Variants in SND1 observed in about 807,000 individuals in gnomAD.
SND1 encodes staphylococcal nuclease and tudor domain containing 1, also known as staphylococcal nuclease domain-containing protein 1.
SND1 carries 38 observed loss-of-function variants against 121.7 expected under a neutral mutation model. The ratio of observed to expected loss-of-function variants is 0.31; its 90% CI spans 0.24 to 0.41. The LOEUF is 0.41. SND1 is among the 10% of genes least tolerant of loss of function. SND1 has a pLI of 1.00. For missense variants in SND1, 868 were observed against 1,184.6 expected, an observed-to-expected ratio of 0.73 and a Z score of 3.92; for synonymous variants, 401 against 447.4, an observed-to-expected ratio of 0.90 and a Z score of 1.31.
intron 15 of SND1, among the ~76,000 whole-genome samples, chr7:127,983,655 A>G (rs1191706803): frequency 6.6e-6 from 1 of 152,094 alleles, no homozygotes; most frequent in Non-Finnish European, 1.5e-5. Flanking sequence ...ATTGTGTTGA[A>G]ATTTCAGGGA....
chr7:127,706,360 G>A (rs959021226), intron 8 of SND1, among the ~76,000 whole-genome samples: 6 of 145,696 alleles, frequency 4.1e-5, no homozygotes, highest in Non-Finnish European at 5.9e-5. Context: ...TGGTTCAAGC[G>A]ATTCCTCTGC....
intron 16 of SND1, among the ~76,000 whole-genome samples, chr7:128,056,236 G>T (rs567906981): frequency 6.6e-6 from 1 of 152,302 alleles, no homozygotes; most frequent in East Asian, 1.9e-4. Flanking sequence ...CAACTGCAGA[G>T]CCTCTTGCCT....
chr7:127,870,782 A>G (rs1209985047), intron 12 of SND1, among the ~76,000 whole-genome samples: 1 of 152,152 alleles, frequency 6.6e-6, no homozygotes, highest in African/African-American at 2.4e-5. Context: ...TATAAACTGT[A>G]CGCTTAGGCT....
intron 10 of SND1, among the ~76,000 whole-genome samples, chr7:127,754,090 T>C (rs895418289): frequency 2.6e-5 from 4 of 152,236 alleles, no homozygotes; most frequent in African/African-American, 4.8e-5. Context: ...CAGAGAAAGA[T>C]AGAACAGATA....
chr7:127,713,161 A>G (rs1367665840), intron 9 of SND1, among the ~76,000 whole-genome samples: 1 of 152,262 alleles, frequency 6.6e-6, no homozygotes, highest in Non-Finnish European at 1.5e-5. Context: ...GAACCCTGCC[A>G]TGGTAGCAGG....
chr7:127,697,269 A>G (rs1334034495), intron 3 of SND1, among the ~76,000 whole-genome samples: 2 of 152,228 alleles, frequency 1.3e-5, no homozygotes, highest in Non-Finnish European at 2.9e-5. Flanking sequence ...TCACTTTCCT[A>G]TCATCCACAT....
At position 128,092,092 on chromosome 7, in the gene SND1, A is replaced by C. The variant is rs775406632; in HGVS notation, c.*34A>C. 3.8e-4 allele frequency: 606 copies of C among 1,608,154 alleles called. 2 individuals carry two copies. Among genetic ancestry groups the C allele is most frequent in the Middle Eastern group, 3.3e-4 (2 of 6,068 alleles). ...TCGGGTTTGGCCCCCAGCCCCGCTC[A>C]CGCCAGTCCCTCTTCCTCTGCCGGG... On this transcript the variant is annotated 3_prime_UTR_variant, in exon 24 of 24. Coordinates refer to ENST00000354725, the MANE Select transcript of SND1 (RefSeq NM_014390.4). This position sits in a 1 kb window ranked among gnomAD's most constrained non-coding sequence, Gnocchi z 4.9.
At position 128,081,386 on chromosome 7, in the gene SND1, C is replaced by A. The variant is rs374608789; in HGVS notation, c.1995C>A (p.Pro665=). The A allele has an allele frequency of 6.2e-6, 10 of 1,614,132 alleles. No individual in the cohort carries two copies. The highest frequency in any genetic ancestry group is 8.5e-6 in the Non-Finnish European group (10 of 1,180,024). The change falls in exon 18 of 24, where the codon CCC becomes CCA. Residue 665 remains proline (P), a synonymous_variant. Transcript: ENST00000354725. ...EKVWAHYEEQ[P]VEEVMPVLEE... ...TCTGGGCCCACTATGAGGAGCAGCCCGTGGAGGAGGTGATGCCAGTGCTGG... is the reference window on the plus strand; with the variant it reads ...TCTGGGCCCACTATGAGGAGCAGCCAGTGGAGGAGGTGATGCCAGTGCTGG...
Position 127,899,057 on chromosome 7 carries a change from G to C in SND1, c.1455-5690G>C, listed in dbSNP as rs533104778. On this transcript the variant is annotated intron_variant, in intron 13 of 23. Coordinates refer to ENST00000354725, the MANE Select transcript of SND1 (RefSeq NM_014390.4). ...CAGTCAGTTACCAAGCATTTGTTCA[G>C]CTTTACTTGGCACACTTTAATTGAA... Among the ~76,000 whole-genome samples the C allele has an allele frequency of 3.3e-5, 5 of 152,174 alleles. No homozygotes were observed. The East Asian group carries it at 9.7e-4, about 29-fold the overall frequency.
intron 5 of SND1, among the ~76,000 whole-genome samples, chr7:127,701,612 A>G (rs975766476): frequency 6.6e-6 from 1 of 152,148 alleles, no homozygotes; most frequent in Admixed American, 6.5e-5. Flanking sequence ...AAAGAAGGCT[A>G]CTTAAATACC....
chr7:127,660,209 AC>A (rs945157297), intron 1 of SND1, among the ~76,000 whole-genome samples: 1 of 152,014 alleles, frequency 6.6e-6, no homozygotes, highest in African/African-American at 2.4e-5. Flanking sequence ...GTTGCTTGAG[AC>A]CCAGAGGAAC....
chr7:127,688,710 A>G (rs1478086290), intron 2 of SND1, among the ~76,000 whole-genome samples: 2 of 151,852 alleles, frequency 1.3e-5, no homozygotes, highest in Non-Finnish European at 1.5e-5. Context: ...TGACAGTGTA[A>G]GACCCTGTCT....
chr7:128,068,128 C>T (rs565740641), intron 16 of SND1, among the ~76,000 whole-genome samples: 4 of 152,188 alleles, frequency 2.6e-5, no homozygotes, highest in Non-Finnish European at 5.9e-5. Context: ...AGGCTCCAGG[C>T]GAGTTAAGGA....
chr7:127,849,654 T>A (rs919552212), intron 12 of SND1, among the ~76,000 whole-genome samples: 1 of 152,088 alleles, frequency 6.6e-6, no homozygotes, highest in Non-Finnish European at 1.5e-5. Flanking sequence ...TTGTGAAAGT[T>A]AAAGAATGGC....
At chr7:128,014,240 G>C (rs1803175841) in intron 16 of SND1, among the ~76,000 whole-genome samples, 1 of 152,194 alleles carries the variant, frequency 6.6e-6, no homozygotes, top group South Asian at 2.1e-4. Context: ...TCAGAAACCT[G>C]TCTGATCAGT....
At position 127,972,800 on chromosome 7, in the gene SND1, G is replaced by A. The variant is rs369728627; in HGVS notation, c.1670-18147G>A. On this transcript the variant is annotated intron_variant, in intron 15 of 23. Transcript: ENST00000354725. ...TCACCGTGTTGGCCAAGCTGGTCTC[G>A]AACTCTTGACCTCAAGAGATCCACC... 1.3e-4 allele frequency among the ~76,000 whole-genome samples: 20 copies of A among 151,628 alleles called. No homozygotes were observed. The East Asian group carries it at 3.3e-3, about 25-fold the overall frequency.
intron 2 of SND1, among the ~76,000 whole-genome samples, chr7:127,687,562 C>A (rs1795835680): frequency 6.6e-6 from 1 of 152,204 alleles, no homozygotes; most frequent in South Asian, 2.1e-4. Flanking sequence ...AAAGTTAGAA[C>A]ATGTGATATT....
chr7:127,805,593 G>A (rs367640076), intron 10 of SND1, among the ~76,000 whole-genome samples: 3 of 152,302 alleles, frequency 2.0e-5, no homozygotes, highest in South Asian at 4.1e-4. Context: ...TAGAGGCATG[G>A]AGGCTTAGTT....
intron 16 of SND1, among the ~76,000 whole-genome samples, chr7:128,039,842 A>G (rs1433491817): frequency 6.6e-6 from 1 of 152,234 alleles, no homozygotes; most frequent in Non-Finnish European, 1.5e-5. Flanking sequence ...TGCTAATTAA[A>G]GAATGTTAGG....
Sources: gnomAD v4.1 joint callset for allele counts (sites outside exome capture counted in the v4.1 genomes callset) on GRCh38, gnomAD v4.1.1 for gene constraint, Gnocchi (gnomAD v3.1) non-coding constraint, MANE v1.5 for transcripts, NCBI Gene and HGNC (gene_info 2026-07-23, HGNC 2026-07-21) for gene names.